Variants in MARK3 observed in about 807,000 individuals in gnomAD.
MARK3 encodes microtubule affinity regulating kinase 3.
In MARK3, 46 loss-of-function variants were observed where a neutral mutation model predicts 90.1. That is an observed-to-expected ratio of 0.51 (90% CI 0.40 to 0.65). The LOEUF (loss-of-function observed/expected upper bound fraction) is 0.65. MARK3 is among the 30% of genes least tolerant of loss of function. MARK3 has a pLI of 0.00. For missense variants in MARK3, 818 were observed against 947.2 expected (o/e 0.86, Z 1.79); for synonymous variants, 321 against 332.6 (o/e 0.97, Z 0.38).
At chr14:103,446,710 C>CTTTTTTTTTTTTTTTTTTTTTTTTTTT (rs746523547) in intron 3 of MARK3, among the ~76,000 whole-genome samples, 1 of 98,052 alleles carries the variant, frequency 1.0e-5, no homozygotes, top group African/African-American at 5.3e-5. Flanking sequence ...AGATTGTTGT[C>CTTTTTTTTTTTTTTTTTTTTTTTTTTT]TTTTTTTTTT....
chr14:103,391,922 A>C (rs773726820), intron 1 of MARK3, among the ~76,000 whole-genome samples: 3 of 152,012 alleles, frequency 2.0e-5, no homozygotes, highest in Non-Finnish European at 4.4e-5. Context: ...AGTTATATGG[A>C]GCCACGGATA....
At chr14:103,398,111 T>C (rs1173237329) in intron 1 of MARK3, among the ~76,000 whole-genome samples, 1 of 152,204 alleles carries the variant, frequency 6.6e-6, no homozygotes, top group Non-Finnish European at 1.5e-5. Context: ...ACCAGTCTGC[T>C]CGCCAGAGGT....
chr14:103,493,083 T>G (rs995839491), intron 15 of MARK3, among the ~76,000 whole-genome samples: 6 of 152,138 alleles, frequency 3.9e-5, no homozygotes, highest in African/African-American at 7.2e-5. Flanking sequence ...TTTTCTGCAT[T>G]CCCTATGGCC....
chr14:103,386,973 C>G (rs1251447909), intron 1 of MARK3, among the ~76,000 whole-genome samples: 1 of 152,222 alleles, frequency 6.6e-6, no homozygotes, highest in African/African-American at 2.4e-5. Flanking sequence ...CGTTTTCTAA[C>G]TCTGTTCTCC....
chr14:103,465,309 T>G (rs769182525), intron 7 of MARK3, among the ~76,000 whole-genome samples: 5 of 152,200 alleles, frequency 3.3e-5, no homozygotes, highest in Non-Finnish European at 5.9e-5. Flanking sequence ...AGGCTTTTCT[T>G]GATCTTGGGA....
At chr14:103,458,588 C>T (rs2093330703) in intron 6 of MARK3, 1 of 465,270 alleles carries the variant, frequency 2.1e-6, no homozygotes, top group East Asian at 3.3e-5. Flanking sequence ...AATTTGCCAA[C>T]CCCTGATTTA....
At chr14:103,490,416 G>A (rs927507976) in intron 14 of MARK3, 1 of 152,144 alleles carries the variant, frequency 6.6e-6, no homozygotes, top group Non-Finnish European at 1.5e-5. Flanking sequence ...CGGGTGTGGT[G>A]GCTCACACTT....
chr14:103,499,898 G>C, intron 16 of MARK3: 1 of 511,116 alleles, frequency 2.0e-6, no homozygotes, highest in African/African-American at 1.9e-5. Flanking sequence ...GCAGCGGTAT[G>C]GCATGCAATG....
At chr14:103,462,271 A>T in intron 6 of MARK3, 134 bp from the exon 7 acceptor site, 1 of 565,614 alleles carries the variant, frequency 1.8e-6, no homozygotes, top group Admixed American at 2.8e-5. Context: ...GCATAGGAAA[A>T]TTGTTTTTAG....
intron 2 of MARK3, among the ~76,000 whole-genome samples, chr14:103,415,963 A>G (rs1189068368): frequency 6.6e-6 from 1 of 151,942 alleles, no homozygotes; most frequent in Non-Finnish European, 1.5e-5. Flanking sequence ...CCATATCTAC[A>G]TTTCTTTCCC....
chr14:103,474,989 T>G lies in MARK3; in HGVS notation c.1265-4T>G. On this transcript the variant is annotated splice_region_variant and splice_polypyrimidine_tract_variant and intron_variant, in intron 12 of 17. Transcript: ENST00000429436. ...TCATTTAAAAAATGAACTCTTTATT[T>G]TAGCTGGACCAGCTATTCCTTCTGT... 6.2e-7 allele frequency: 1 copy of G among 1,606,344 alleles called. No homozygotes were observed. Among genetic ancestry groups the G allele is most frequent in the Non-Finnish European group, 8.5e-7 (1 of 1,173,542 alleles).
intron 15 of MARK3, among the ~76,000 whole-genome samples, chr14:103,493,713 A>T (rs1023831889): frequency 6.6e-6 from 1 of 151,588 alleles, no homozygotes; most frequent in African/African-American, 2.4e-5. Flanking sequence ...CATCTCTACT[A>T]AAAATACAAA....
chr14:103,411,922 A>G (rs1180422363), intron 2 of MARK3, among the ~76,000 whole-genome samples: 23 of 148,374 alleles, frequency 1.6e-4, no homozygotes, highest in African/African-American at 3.5e-4. Flanking sequence ...CGCCCGGCCA[A>G]TGACTCTTAT....
chr14:103,478,634 G>A (rs2093762337), intron 13 of MARK3, among the ~76,000 whole-genome samples: 1 of 151,894 alleles, frequency 6.6e-6, no homozygotes, highest in South Asian at 2.1e-4. Flanking sequence ...CCACCTCCCG[G>A]GTTCAAGCGA....
intron 8 of MARK3, 37 bp from the exon 9 acceptor site, chr14:103,465,935 G>C (rs760212018): frequency 6.3e-7 from 1 of 1,599,168 alleles, no homozygotes; most frequent in Admixed American, 1.8e-5. Context: ...CCTAAAGGTT[G>C]ACTTACTCGT....
intron 12 of MARK3, among the ~76,000 whole-genome samples, chr14:103,474,355 A>G (rs934780515): frequency 5.3e-5 from 8 of 152,298 alleles, no homozygotes; most frequent in African/African-American, 1.9e-4. Flanking sequence ...ATGGTTTACT[A>G]CAGGACATTA....
Position 103,502,933 on chromosome 14 carries a change from A to G in MARK3, c.1968A>G (p.Arg656=), listed in dbSNP as rs1165614214. The G allele has an allele frequency of 1.9e-6, 3 of 1,614,074 alleles. No individual in the cohort carries two copies. In the African/African-American group the frequency reaches 4.0e-5, roughly 22 times the overall value. The change falls in exon 18 of 18, where the codon CGA becomes CGG. Residue 656 remains arginine, a synonymous_variant. Coordinates refer to ENST00000429436, the MANE Select transcript of MARK3 (RefSeq NM_001128918.3). The part of the protein sequence containing the change: ...QKDENKEAKP[R]SLRFTWSMKT... ...ATGAAAACAAAGAAGCAAAGCCTCGATCCCTACGCTTCACCTGGAGCATGA... is the reference window on the plus strand; with the variant it reads ...ATGAAAACAAAGAAGCAAAGCCTCGGTCCCTACGCTTCACCTGGAGCATGA...
At chr14:103,405,313 T>G (rs1440512073) in intron 2 of MARK3, 46 bp downstream of exon 2, 1 of 1,367,284 alleles carries the variant, frequency 7.3e-7, no homozygotes, top group Non-Finnish European at 9.9e-7. Context: ...TTGCTCTGTT[T>G]ATTTCCATGT....
chr14:103,405,819 G>A (rs1353093561), intron 2 of MARK3, among the ~76,000 whole-genome samples: 13 of 147,246 alleles, frequency 8.8e-5, no homozygotes, highest in South Asian at 2.1e-4. Flanking sequence ...GGCTGGTCTC[G>A]AACTCCTGAC....
Sources: allele counts gnomAD v4.1 joint callset (sites outside exome capture counted in the v4.1 genomes callset), GRCh38; gene constraint gnomAD v4.1.1; transcripts MANE v1.5; gene names NCBI Gene and HGNC (gene_info 2026-07-23, HGNC 2026-07-21).